The following MYOCD variants were observed in gnomAD, a reference collection of about 807,000 sequenced individuals.
MYOCD encodes the protein myocardin.
Under a neutral mutation model 96.1 loss-of-function variants are expected in MYOCD, and 32 were observed. The observed-to-expected ratio is 0.33, with a 90% CI of 0.25 to 0.45. The LOEUF (loss-of-function observed/expected upper bound fraction) is 0.45. Among genes scored for constraint, MYOCD ranks in the 20% least tolerant of loss-of-function variants. The pLI is 1.00. For synonymous variants in MYOCD, 469 were observed against 469.0 expected, an observed-to-expected ratio of 1.00 and a Z score of 0.00; for missense variants, 1,133 against 1,200.6, an observed-to-expected ratio of 0.94 and a Z score of 0.83.
Position 12,768,390 on chromosome 17 carries a change from A to AC in MYOCD, c.*4746_*4747insC, listed in dbSNP as rs1491155057. 6.6e-6 allele frequency: 1 copy of AC among 152,210 alleles called. No homozygotes were observed. Among genetic ancestry groups the AC allele is most frequent in the African/African-American group, 2.4e-5 (1 of 41,446 alleles). 9.4% of individuals were successfully genotyped at this position (152,210 alleles called of 1,614,324 possible). On this transcript the variant is annotated 3_prime_UTR_variant, in exon 14 of 14. Coordinates refer to ENST00000425538, the MANE Select transcript of MYOCD (RefSeq NM_001146312.3). ...CACAGGACTCATTGAATGCAATAAC[A>AC]TGTGAGTAAGTTCCCTTTTGATTCT...
At chr17:12,671,462 C>A (rs1044912751) in intron 1 of MYOCD, among the ~76,000 whole-genome samples, 1 of 152,144 alleles carries the variant, frequency 6.6e-6, no homozygotes, top group South Asian at 2.1e-4. Context: ...AGCAGGTTAT[C>A]CCTATTGTTC....
At chr17:12,729,973 C>A (rs1271813560) in intron 5 of MYOCD, among the ~76,000 whole-genome samples, 1 of 151,994 alleles carries the variant, frequency 6.6e-6, no homozygotes, top group African/African-American at 2.4e-5. Context: ...ATAGTGACAC[C>A]TCATCTTTAC....
chr17:12,766,121 G>T lies in MYOCD; in HGVS notation c.*2477G>T, dbSNP rs1211197751. ...GGGTCTTGACAAAGCTTGCTGGTCA[G>T]TGCACTTTTCAGGTGTCACGTTTTG... On this transcript the variant is annotated 3_prime_UTR_variant, in exon 14 of 14. Coordinates refer to ENST00000425538, the MANE Select transcript of MYOCD (RefSeq NM_001146312.3). 6.6e-6 allele frequency: 1 copy of T among 152,208 alleles called. No individual in the cohort carries two copies. Among genetic ancestry groups the T allele is most frequent in the Non-Finnish European group, 1.5e-5 (1 of 68,040 alleles). 9.4% of individuals were successfully genotyped at this position (152,208 alleles called of 1,614,324 possible). A position where few individuals can be genotyped will look rare whatever the true frequency, so the allele number is the denominator to read the frequency against.
chr17:12,753,382 C>G (rs758297684), intron 10 of MYOCD, 36 bp downstream of exon 10: 1 of 1,507,182 alleles, frequency 6.6e-7, no homozygotes, highest in Non-Finnish European at 8.9e-7. Context: ...GTGCACACTT[C>G]TTTCTGGAAG....
rs756583035 is a variant in MYOCD, at chr17:12,760,662, A to G, written c.2344A>G (p.Ser782Gly). 2 of 1,613,952 alleles carry G rather than the reference A, an allele frequency of 1.2e-6. No individual in the cohort carries two copies. The highest frequency in any genetic ancestry group is 1.7e-6 in the Non-Finnish European group (2 of 1,179,854). ...TAATTTGTAATAGCAAATGACCCGG[A>G]GTCAGCAGATGGATGAACTCCTGGA... Reference protein sequence around the residue: ...EDAVKQQMTRSQQMDELLDVL... With the variant: ...EDAVKQQMTRGQQMDELLDVL... The change falls in exon 13 of 14, where the codon AGT (serine) becomes GGT (glycine). Residue 782 changes from serine (S) to glycine (G), a missense_variant. Coordinates refer to ENST00000425538, the MANE Select transcript of MYOCD (RefSeq NM_001146312.3).
At chr17:12,696,793 C>T (rs961134981) in intron 1 of MYOCD, among the ~76,000 whole-genome samples, 13 of 152,176 alleles carry the variant, frequency 8.5e-5, no homozygotes, top group Non-Finnish European at 7.3e-5. Context: ...CTTGATTGTA[C>T]GCTAACATCG....
intron 1 of MYOCD, among the ~76,000 whole-genome samples, chr17:12,697,501 T>C (rs1382067492): frequency 1.3e-5 from 2 of 149,668 alleles, no homozygotes; most frequent in African/African-American, 2.5e-5. Context: ...TAGCTGAGAC[T>C]ACAGGCGCCC....
intron 7 of MYOCD, among the ~76,000 whole-genome samples, chr17:12,743,324 CAGGCAGAT>C (rs1597799785): frequency 6.6e-6 from 1 of 152,172 alleles, no homozygotes; most frequent in East Asian, 1.9e-4. Flanking sequence ...GGGTGTTCAG[CAGGCAGAT>C]AGGCAAGGTT....
intron 1 of MYOCD, among the ~76,000 whole-genome samples, chr17:12,679,906 G>C (rs941285108): frequency 1.3e-5 from 2 of 152,152 alleles, no homozygotes; most frequent in African/African-American, 4.8e-5. Flanking sequence ...AAAAGGCAAA[G>C]TATTAGCAGG....
chr17:12,738,584 A>G (rs1443047244), intron 6 of MYOCD, among the ~76,000 whole-genome samples: 1 of 152,122 alleles, frequency 6.6e-6, no homozygotes, highest in African/African-American at 2.4e-5. Flanking sequence ...ATATACACAC[A>G]TGCTCATAAG....
intron 5 of MYOCD, 77 bp downstream of exon 5, chr17:12,723,085 ATC>A: frequency 7.1e-7 from 1 of 1,404,378 alleles, no homozygotes; most frequent in South Asian, 1.4e-5. Context: ...ACATACTAGG[ATC>A]TTTGGGGATG....
chr17:12,710,309 C>T (rs1167502973), intron 2 of MYOCD, among the ~76,000 whole-genome samples: 1 of 152,142 alleles, frequency 6.6e-6, no homozygotes, highest in Non-Finnish European at 1.5e-5. Context: ...GATTAGAGAT[C>T]TAAAGTGGAC....
At chr17:12,728,146 G>A (rs2032056124) in intron 5 of MYOCD, among the ~76,000 whole-genome samples, 1 of 152,164 alleles carries the variant, frequency 6.6e-6, no homozygotes, top group South Asian at 2.1e-4. Flanking sequence ...CTGGAGTTTA[G>A]CATGGTCTTG....
At chr17:12,698,944 G>A (rs992704593) in intron 1 of MYOCD, among the ~76,000 whole-genome samples, 2 of 151,382 alleles carry the variant, frequency 1.3e-5, no homozygotes, top group Non-Finnish European at 2.9e-5. Context: ...GGGTTTCACC[G>A]TGTTAGCCAG....
At chr17:12,756,269 T>A in intron 10 of MYOCD, 145 bp from the exon 11 acceptor site, 1 of 933,888 alleles carries the variant, frequency 1.1e-6, no homozygotes, top group Non-Finnish European at 1.6e-6. Context: ...AGCCAGATTT[T>A]AGGCAAGTTC....
chr17:12,680,009 C>T (rs190942457), intron 1 of MYOCD, among the ~76,000 whole-genome samples: 27 of 152,298 alleles, frequency 1.8e-4, no homozygotes, highest in African/African-American at 6.0e-4. Flanking sequence ...AATGAACACG[C>T]ACTTGTTTTA....
intron 2 of MYOCD, chr17:12,710,478 C>CTTTA (rs1355953598): frequency 1.0e-6 from 1 of 977,076 alleles, no homozygotes; most frequent in African/African-American, 1.8e-5. Flanking sequence ...ATGGTGCTGC[C>CTTTA]TTTATTTTTT....
At position 12,767,956 on chromosome 17, in the gene MYOCD, A is replaced by C. The variant is rs1882006469; in HGVS notation, c.*4312A>C. On this transcript the variant is annotated 3_prime_UTR_variant, in exon 14 of 14. Coordinates refer to ENST00000425538, the MANE Select transcript of MYOCD (RefSeq NM_001146312.3). ...GAAAATCATCTAAGAATATGAAGGC[A>C]ATTTGATTTCCCCCCACAGCCCTCA... The C allele has an allele frequency of 6.6e-6, 1 of 152,198 alleles. No individual in the cohort carries two copies. Among genetic ancestry groups the C allele is most frequent in the South Asian group, 2.1e-4 (1 of 4,826 alleles). The allele number at this position is 152,198 out of a possible 1,614,324, so 9.4% of individuals were successfully genotyped here.
At chr17:12,740,024 C>T (rs537166730) in intron 7 of MYOCD, among the ~76,000 whole-genome samples, 31 of 152,210 alleles carry the variant, frequency 2.0e-4, no homozygotes, top group African/African-American at 5.8e-4. Context: ...CAACCTCCGC[C>T]TCCCAGGTTC....
Sources: allele counts gnomAD v4.1 joint callset (sites outside exome capture counted in the v4.1 genomes callset), GRCh38; gene constraint gnomAD v4.1.1; transcripts MANE v1.5; gene names NCBI Gene and HGNC (gene_info 2026-07-23, HGNC 2026-07-21).